GHR: variants seen among roughly 807,000 people sequenced by gnomAD.
GHR encodes GH receptor.
In GHR, 35 loss-of-function variants were observed where a neutral mutation model predicts 67.1. That is an observed-to-expected ratio of 0.52 (90% CI 0.40 to 0.69). The LOEUF (loss-of-function observed/expected upper bound fraction) is 0.69. GHR is among the 30% of genes least tolerant of loss of function. GHR has a pLI of 0.00. For missense variants in GHR, 792 were observed against 764.6 expected, an observed-to-expected ratio of 1.04 and a Z score of -0.42; for synonymous variants, 272 against 269.1, an observed-to-expected ratio of 1.01 and a Z score of -0.10.
chr5:42,437,474 C>T (rs900443786), intron 1 of GHR, among the ~76,000 whole-genome samples: 18 of 152,042 alleles, frequency 1.2e-4, no homozygotes, highest in African/African-American at 4.3e-4. Flanking sequence ...GTTTTACACA[C>T]AGCAGTTCTG....
chr5:42,466,682 G>A (rs142682751), intron 1 of GHR, among the ~76,000 whole-genome samples: 16 of 152,284 alleles, frequency 1.1e-4, no homozygotes, highest in African/African-American at 3.6e-4. Flanking sequence ...AAACAAAGTC[G>A]TTGCCTTCAG....
At chr5:42,490,145 G>C (rs1579806941) in intron 1 of GHR, among the ~76,000 whole-genome samples, 1 of 152,208 alleles carries the variant, frequency 6.6e-6, no homozygotes, top group African/African-American at 2.4e-5. Flanking sequence ...GATGTTCACA[G>C]AGCTCTAGCA....
Position 42,647,633 on chromosome 5 carries a change from T to C in GHR, c.136+18530T>C, listed in dbSNP as rs1231234238. On this transcript the variant is annotated intron_variant, in intron 3 of 9. Coordinates refer to ENST00000230882, the MANE Select transcript of GHR (RefSeq NM_000163.5). ...CAATGTAGGAAAAATTTGATGACTT[T>C]AATTTCATTTACTTCTAGGAGTCTT... is the stretch of plus-strand genomic sequence containing the variant. 6.8e-6 allele frequency: 3 copies of C among 443,368 alleles called. No homozygotes were observed. The East Asian group carries it at 2.2e-4, about 32-fold the overall frequency. 27.5% of individuals were successfully genotyped at this position (443,368 alleles called of 1,614,324 possible). A position where few individuals can be genotyped will look rare whatever the true frequency, so the allele number is the denominator to read the frequency against.
At chr5:42,515,931 G>C (rs973837369) in intron 1 of GHR, among the ~76,000 whole-genome samples, 5 of 152,150 alleles carry the variant, frequency 3.3e-5, no homozygotes, top group African/African-American at 1.2e-4. Flanking sequence ...CTAAGAATAA[G>C]CCCACTGAAA....
intron 1 of GHR, among the ~76,000 whole-genome samples, chr5:42,511,582 T>G (rs1747017477): frequency 6.6e-6 from 1 of 152,174 alleles, no homozygotes; most frequent in African/African-American, 2.4e-5. Flanking sequence ...CTGTTTTTTG[T>G]TTTTTGTTTG....
intron 1 of GHR, among the ~76,000 whole-genome samples, chr5:42,445,643 A>T (rs1202772356): frequency 1.3e-5 from 2 of 152,176 alleles, no homozygotes; most frequent in African/African-American, 4.8e-5. Context: ...TCCTGATGTA[A>T]ATCACAATTC....
chr5:42,672,005 T>C (rs1013240080), intron 3 of GHR, among the ~76,000 whole-genome samples: 4 of 142,704 alleles, frequency 2.8e-5, no homozygotes, highest in Non-Finnish European at 6.1e-5. Flanking sequence ...TTTCTCAAAA[T>C]AGTAAGAGCC....
At chr5:42,524,951 T>C (rs1316630091) in intron 1 of GHR, among the ~76,000 whole-genome samples, 1 of 152,188 alleles carries the variant, frequency 6.6e-6, no homozygotes, top group Non-Finnish European at 1.5e-5. Context: ...TTTCGGAAGA[T>C]GTACGGAAAT....
At chr5:42,715,160 C>A in intron 8 of GHR, 1 of 279,374 alleles carries the variant, frequency 3.6e-6, no homozygotes, top group Admixed American at 4.4e-5. Flanking sequence ...TTATTGTTCT[C>A]CCAAATTTCC....
chr5:42,484,355 T>C (rs1248103857), intron 1 of GHR, among the ~76,000 whole-genome samples: 2 of 152,168 alleles, frequency 1.3e-5, no homozygotes, highest in African/African-American at 2.4e-5. Context: ...ATATCCACCA[T>C]TAGGATATTC....
At chr5:42,562,021 T>C (rs891768574) in intron 1 of GHR, among the ~76,000 whole-genome samples, 2 of 152,190 alleles carry the variant, frequency 1.3e-5, no homozygotes, top group African/African-American at 4.8e-5. Flanking sequence ...CAGAGGGGAA[T>C]AGAGGGACTT....
At chr5:42,521,355 G>A (rs1747466150) in intron 1 of GHR, among the ~76,000 whole-genome samples, 1 of 152,162 alleles carries the variant, frequency 6.6e-6, no homozygotes, top group Non-Finnish European at 1.5e-5. Context: ...CAGGTTACAG[G>A]ATGGCATCTC....
chr5:42,447,267 C>T (rs982135735), intron 1 of GHR, among the ~76,000 whole-genome samples: 2 of 152,122 alleles, frequency 1.3e-5, no homozygotes, highest in African/African-American at 2.4e-5. Context: ...ACACTGTACC[C>T]AGTGTGTAGT....
intron 1 of GHR, among the ~76,000 whole-genome samples, chr5:42,498,704 T>C (rs1746418293): frequency 1.3e-5 from 2 of 152,198 alleles, no homozygotes; most frequent in Non-Finnish European, 1.5e-5. Flanking sequence ...CTAGATGTTC[T>C]ACTTGGTGAC....
At chr5:42,671,202 C>T (rs1270365227) in intron 3 of GHR, among the ~76,000 whole-genome samples, 7 of 152,146 alleles carry the variant, frequency 4.6e-5, no homozygotes, top group Non-Finnish European at 7.3e-5. Context: ...ATGGTGCCAG[C>T]ACCTGGCCAG....
intron 2 of GHR, among the ~76,000 whole-genome samples, chr5:42,582,758 C>T (rs1372314589): frequency 2.0e-5 from 3 of 152,242 alleles, no homozygotes; most frequent in South Asian, 2.1e-4. Flanking sequence ...TGCTCCCAGG[C>T]GTCACCACAT....
chr5:42,601,945 G>A (rs1331029753), intron 2 of GHR, among the ~76,000 whole-genome samples: 1 of 152,052 alleles, frequency 6.6e-6, no homozygotes, highest in African/African-American at 2.4e-5. Context: ...AAAGAAAGAG[G>A]GAGGGAGACC....
At chr5:42,680,201 G>A (rs1019124402) in intron 3 of GHR, among the ~76,000 whole-genome samples, 4 of 152,184 alleles carry the variant, frequency 2.6e-5, no homozygotes, top group Non-Finnish European at 5.9e-5. Context: ...CAGTTGGCCT[G>A]GCCAACGTGC....
chr5:42,653,995 T>C (rs1013205090), intron 3 of GHR, among the ~76,000 whole-genome samples: 1 of 152,186 alleles, frequency 6.6e-6, no homozygotes, highest in African/African-American at 2.4e-5. Flanking sequence ...GTACTGCATA[T>C]TTCCTTTTTG....
Sources: gnomAD v4.1 joint callset for allele counts (sites outside exome capture counted in the v4.1 genomes callset) on GRCh38, gnomAD v4.1.1 for gene constraint, MANE v1.5 for transcripts, NCBI Gene and HGNC (gene_info 2026-07-23, HGNC 2026-07-21) for gene names.